SLC4A5: variants seen among roughly 807,000 people sequenced by gnomAD.
The protein encoded by SLC4A5 is solute carrier family 4 member 5.
A neutral mutation model predicts 120.4 loss-of-function variants in SLC4A5; 96 were observed. The ratio of observed to expected loss-of-function variants is 0.80; its 90% CI spans 0.68 to 0.94. SLC4A5 has a LOEUF of 0.94. Among genes scored for constraint, SLC4A5 ranks in the 40% least tolerant of loss-of-function variants. SLC4A5 has a pLI of 0.00. For missense variants in SLC4A5, 1,259 were observed against 1,459.5 expected (o/e 0.86, Z 2.24); for synonymous variants, 550 against 571.1 (o/e 0.96, Z 0.53).
rs909417243 is a variant in SLC4A5, at chr2:74,227,110, G to A, written c.2937C>T (p.Leu979=). The A allele has an allele frequency of 1.9e-6, 3 of 1,613,236 alleles. No individual in the cohort carries two copies. In the African/African-American group the frequency reaches 4.0e-5, roughly 22 times the overall value. ...GCTGGTGCTTGGCTGGCATCAGGAA[G>A]AGCTTGCAGCGTTCCCAGAACTAGG... is the stretch of plus-strand genomic sequence containing the variant. Residue 979 remains leucine, a synonymous_variant, in exon 27 of 31, where the codon CTC becomes CTT. Transcript: ENST00000394019.
chr2:74,265,302 C>T, intron 8 of SLC4A5, 38 bp from the exon 9 acceptor site: 1 of 1,599,550 alleles, frequency 6.3e-7, no homozygotes, highest in Non-Finnish European at 8.5e-7. Context: ...TGGCCAGGGC[C>T]CTCAGGAGGA....
At chr2:74,247,349 T>TC in intron 18 of SLC4A5, 42 bp from the exon 19 acceptor site, 1 of 1,585,866 alleles carries the variant, frequency 6.3e-7, no homozygotes, top group Non-Finnish European at 8.6e-7. Flanking sequence ...AGCCCAGGGC[T>TC]CCTGGCTGTG....
intron 7 of SLC4A5, among the ~76,000 whole-genome samples, chr2:74,301,073 A>G: frequency 6.6e-6 from 1 of 152,180 alleles, no homozygotes; most frequent in East Asian, 1.9e-4. Context: ...CACGTCAGGC[A>G]GCTGGATTGT....
chr2:74,294,167 G>A (rs989292263), intron 7 of SLC4A5, among the ~76,000 whole-genome samples: 2 of 152,132 alleles, frequency 1.3e-5, no homozygotes, highest in Admixed American at 1.3e-4. Context: ...ACTCAGTCAA[G>A]GCTAGCTGAG....
At chr2:74,297,023 T>G (rs1463921099) in intron 7 of SLC4A5, among the ~76,000 whole-genome samples, 1 of 152,148 alleles carries the variant, frequency 6.6e-6, no homozygotes, top group East Asian at 1.9e-4. Flanking sequence ...TCTCCTTTAC[T>G]TCTCATCTTA....
chr2:74,233,536 C>A, exon 23 of SLC4A5: 1 of 1,613,872 alleles, frequency 6.2e-7, no homozygotes, highest in Non-Finnish European at 8.5e-7. Context: ...AAGGGGGCCA[C>A]GAACCAGCCT....
At chr2:74,338,444 C>T (rs1673547005) in intron 3 of SLC4A5, among the ~76,000 whole-genome samples, 1 of 152,196 alleles carries the variant, frequency 6.6e-6, no homozygotes, top group Admixed American at 6.5e-5. Flanking sequence ...GCAATGGGCC[C>T]TCATACATCT....
At chr2:74,261,170 A>G (rs1264735547) in intron 11 of SLC4A5, among the ~76,000 whole-genome samples, 2 of 152,152 alleles carry the variant, frequency 1.3e-5, no homozygotes, top group Admixed American at 1.3e-4. Flanking sequence ...AGCTGCAATC[A>G]TCCATTCGTG....
chr2:74,227,052 G>A (rs780496001), exon 27 of SLC4A5: 15 of 1,614,048 alleles, frequency 9.3e-6, no homozygotes, highest in African/African-American at 1.3e-5. Context: ...TGGATCCGGC[G>A]CAGCGGCACG....
At chr2:74,229,781 A>G in intron 25 of SLC4A5, among the ~76,000 whole-genome samples, 1 of 152,180 alleles carries the variant, frequency 6.6e-6, no homozygotes, top group East Asian at 1.9e-4. Context: ...GGGTATGCCC[A>G]GCACCAATTC....
At chr2:74,290,167 G>A in intron 7 of SLC4A5, 1 of 985,558 alleles carries the variant, frequency 1.0e-6, no homozygotes, top group Non-Finnish European at 1.2e-6. Flanking sequence ...AGACAAGAAG[G>A]CAAATAAATG....
At chr2:74,231,370 T>C in intron 24 of SLC4A5, 62 bp from the exon 25 acceptor site, 1 of 1,487,572 alleles carries the variant, frequency 6.7e-7, no homozygotes, top group East Asian at 2.3e-5. Context: ...ACTCTGGCCC[T>C]CCTGCCCCTC....
At chr2:74,335,834 T>C (rs1673473838) in intron 3 of SLC4A5, among the ~76,000 whole-genome samples, 1 of 152,180 alleles carries the variant, frequency 6.6e-6, no homozygotes, top group African/African-American at 2.4e-5. Context: ...TAATAAGACA[T>C]CATATTTCTG....
intron 3 of SLC4A5, among the ~76,000 whole-genome samples, chr2:74,336,739 A>G (rs1673500302): frequency 6.6e-6 from 1 of 152,222 alleles, no homozygotes; most frequent in Admixed American, 6.5e-5. Flanking sequence ...TAAAATCATA[A>G]TAGTTAAAAC....
At chr2:74,342,634 C>T (rs1673652862) in intron 1 of SLC4A5, 100 bp from the exon 2 acceptor site, 2 of 152,272 alleles carry the variant, frequency 1.3e-5, no homozygotes, top group South Asian at 4.2e-4. Flanking sequence ...GGCTGGATGA[C>T]CCTTTTTTAA....
chr2:74,285,955 C>T, intron 7 of SLC4A5, 53 bp from the exon 8 acceptor site: 2 of 1,512,392 alleles, frequency 1.3e-6, no homozygotes, highest in South Asian at 1.2e-5. Context: ...GGCAGGAGGA[C>T]CACAAGGCCA....
chr2:74,247,398 C>T (rs1670647000), intron 18 of SLC4A5, 91 bp from the exon 19 acceptor site: 2 of 1,373,002 alleles, frequency 1.5e-6, no homozygotes, highest in Non-Finnish European at 2.0e-6. Context: ...GCTTATCTGT[C>T]CTCCTGTGGC....
At chr2:74,286,869 C>T (rs1187127732) in intron 7 of SLC4A5, among the ~76,000 whole-genome samples, 2 of 152,124 alleles carry the variant, frequency 1.3e-5, no homozygotes, top group African/African-American at 2.4e-5. Flanking sequence ...GTGGTGGAAA[C>T]GTGCTGGTGA....
Position 74,247,025 on chromosome 2 carries a change from T to A in SLC4A5, c.2059+11A>T. The A allele has an allele frequency of 6.2e-7, 1 of 1,612,506 alleles. No homozygotes were observed. Among genetic ancestry groups the A allele is most frequent in the Non-Finnish European group, 8.5e-7 (1 of 1,178,836 alleles). ...GTGAGGGCCCACGGCATGTCTGGGG[T>A]TACCGGTCACCTGTGTCAGGGGCGA... On this transcript the variant is annotated intron_variant, in intron 19 of 30. Coordinates refer to ENST00000394019, the Ensembl canonical transcript of SLC4A5.
Sources: allele counts gnomAD v4.1 joint callset (sites outside exome capture counted in the v4.1 genomes callset), GRCh38; gene constraint gnomAD v4.1.1; transcripts MANE v1.5; gene names NCBI Gene and HGNC (gene_info 2026-07-23, HGNC 2026-07-21).